Variants in NTNG1 observed in about 807,000 individuals in gnomAD.
NTNG1 encodes netrin-G1.
NTNG1 carries 16 observed loss-of-function variants against 54.0 expected under a neutral mutation model. The ratio of observed to expected loss-of-function variants is 0.30; its 90% confidence interval spans 0.20 to 0.45. The LOEUF (loss-of-function observed/expected upper bound fraction) is 0.45. NTNG1 is among the 20% of genes least tolerant of loss of function. NTNG1 has a pLI of 1.00. For synonymous variants in NTNG1, 255 were observed against 263.1 expected (o/e 0.97, Z 0.30); for missense variants, 530 against 678.7 (o/e 0.78, Z 2.43).
At position 107,324,933 on chromosome 1, in the gene NTNG1, A is replaced by C. The variant is rs778300664; in HGVS notation, c.887+11A>C. Reference sequence around the variant, plus strand: ...AAAGGTGCGAGGAAGGTAAGAGAAAATCTGTCTGCCTTCAATGGGAACGGG... The same window carrying C: ...AAAGGTGCGAGGAAGGTAAGAGAAACTCTGTCTGCCTTCAATGGGAACGGG... On this transcript the variant is annotated intron_variant, in intron 3 of 7. Coordinates refer to ENST00000370068, the MANE Select transcript of NTNG1 (RefSeq NM_001113226.3). 6.3e-7 allele frequency: 1 copy of C among 1,598,756 alleles called. No homozygotes were observed. Among genetic ancestry groups the C allele is most frequent in the Non-Finnish European group, 8.5e-7 (1 of 1,171,070 alleles).
intron 5 of NTNG1, among the ~76,000 whole-genome samples, chr1:107,419,333 G>A (rs1034447429): frequency 1.3e-5 from 2 of 151,492 alleles, no homozygotes; most frequent in Non-Finnish European, 2.9e-5. Context: ...ACATTCATGT[G>A]TTCCAGCATT....
At chr1:107,267,043 C>T (rs1663790282) in intron 2 of NTNG1, among the ~76,000 whole-genome samples, 4 of 152,112 alleles carry the variant, frequency 2.6e-5, no homozygotes, top group Admixed American at 2.6e-4. Flanking sequence ...ACACATTGTA[C>T]TACAATGTAC....
intron 2 of NTNG1, among the ~76,000 whole-genome samples, chr1:107,317,060 A>G (rs765550430): frequency 3.0e-4 from 45 of 152,340 alleles, no homozygotes; most frequent in Middle Eastern, 3.4e-3. Flanking sequence ...CCTTCAGTAA[A>G]TGGACTTCAA....
rs1161277513 is a variant in NTNG1 at position 107,481,145 on chromosome 1, C to G, written c.*305C>G. The G allele has an allele frequency of 1.9e-5, 8 of 412,154 alleles. No homozygotes were observed. The highest frequency in any genetic ancestry group is 3.5e-5 in the Non-Finnish European group (8 of 229,294). The allele number at this position is 412,154 out of a possible 1,614,324, so 25.5% of individuals were successfully genotyped here. On this transcript the variant is annotated 3_prime_UTR_variant, in exon 8 of 8. Coordinates refer to ENST00000370068, the MANE Select transcript of NTNG1 (RefSeq NM_001113226.3). ...GCGACAGCCCCCCAAACAGGAAAGA[C>G]AAAAAACAAACAAATCAACCGACCT...
At chr1:107,150,227 A>AT (rs1654460882) in intron 2 of NTNG1, among the ~76,000 whole-genome samples, 1 of 152,310 alleles carries the variant, frequency 6.6e-6, no homozygotes, top group African/African-American at 2.4e-5. Flanking sequence ...GGGAACAGGT[A>AT]TGTGCTTTGC....
chr1:107,237,162 G>A (rs777490176), intron 2 of NTNG1, among the ~76,000 whole-genome samples: 20 of 152,184 alleles, frequency 1.3e-4, no homozygotes, highest in Admixed American at 3.9e-4. Context: ...CTTAGATGGA[G>A]ATGAGGAACT....
chr1:107,366,672 C>A (rs1449521164), intron 3 of NTNG1, among the ~76,000 whole-genome samples: 1 of 152,162 alleles, frequency 6.6e-6, no homozygotes, highest in Non-Finnish European at 1.5e-5. Context: ...GCTACTAGGA[C>A]AAAATGAAAT....
intron 7 of NTNG1, among the ~76,000 whole-genome samples, chr1:107,473,007 T>C (rs935087662): frequency 7.9e-5 from 12 of 152,158 alleles, no homozygotes; most frequent in African/African-American, 2.9e-4. Context: ...CATACCTTTG[T>C]TATTAGCCTG....
chr1:107,421,034 C>T (rs531746177), intron 5 of NTNG1: 20 of 1,295,102 alleles, frequency 1.5e-5, no homozygotes, highest in East Asian at 2.3e-5. Flanking sequence ...ACAGTTTGAA[C>T]GTTTCACTAT....
chr1:107,275,074 T>C (rs372171274), intron 2 of NTNG1, among the ~76,000 whole-genome samples: 71 of 152,196 alleles, frequency 4.7e-4, no homozygotes, highest in African/African-American at 1.6e-3. Flanking sequence ...GTGTGTATAA[T>C]ATAACATAAA....
At chr1:107,327,990 T>C (rs1668064724) in intron 3 of NTNG1, among the ~76,000 whole-genome samples, 1 of 152,160 alleles carries the variant, frequency 6.6e-6, no homozygotes, top group Non-Finnish European at 1.5e-5. Flanking sequence ...CTTTTTGGAA[T>C]GTGATACATC....
chr1:107,413,213 A>G (rs1395791743), intron 5 of NTNG1, among the ~76,000 whole-genome samples: 1 of 148,662 alleles, frequency 6.7e-6, no homozygotes, highest in Non-Finnish European at 1.5e-5. Flanking sequence ...CCCAGGCTGG[A>G]GTGCAGTGAC....
intron 5 of NTNG1, among the ~76,000 whole-genome samples, chr1:107,426,795 AT>A (rs1486927673): frequency 2.6e-5 from 4 of 152,056 alleles, no homozygotes; most frequent in Non-Finnish European, 5.9e-5. Flanking sequence ...AACAATATTA[AT>A]TCTTTCAACC....
chr1:107,398,415 T>A (rs1478734439), intron 4 of NTNG1, among the ~76,000 whole-genome samples: 6 of 152,146 alleles, frequency 3.9e-5, no homozygotes, highest in Admixed American at 1.3e-4. Context: ...CACTCAGGGA[T>A]ACCATAGATG....
intron 2 of NTNG1, among the ~76,000 whole-genome samples, chr1:107,189,628 T>G (rs1036789920): frequency 6.6e-6 from 1 of 152,084 alleles, no homozygotes; most frequent in Non-Finnish European, 1.5e-5. Context: ...TGTTTTAATA[T>G]TCTCTACCTT....
intron 2 of NTNG1, among the ~76,000 whole-genome samples, chr1:107,208,712 T>C (rs998186150): frequency 6.6e-6 from 1 of 152,130 alleles, no homozygotes; most frequent in Non-Finnish European, 1.5e-5. Flanking sequence ...GGGTTAGGCA[T>C]GTATCCCCTA....
chr1:107,370,556 A>G (rs1670859235), intron 3 of NTNG1, among the ~76,000 whole-genome samples: 1 of 151,708 alleles, frequency 6.6e-6, no homozygotes, highest in African/African-American at 2.4e-5. Flanking sequence ...TATCATTCTT[A>G]GGCCTTTCCA....
At chr1:107,447,141 A>G (rs1159096276) in intron 7 of NTNG1, among the ~76,000 whole-genome samples, 2 of 152,242 alleles carry the variant, frequency 1.3e-5, no homozygotes, top group African/African-American at 4.8e-5. Context: ...ATAAAACACT[A>G]TAAAAATGAT....
chr1:107,366,068 C>T (rs1435111961), intron 3 of NTNG1, among the ~76,000 whole-genome samples: 1 of 152,156 alleles, frequency 6.6e-6, no homozygotes, highest in Admixed American at 6.5e-5. Flanking sequence ...TGACGCAGAT[C>T]TGTAACAGCT....
Sources: gnomAD v4.1 joint callset for allele counts (sites outside exome capture counted in the v4.1 genomes callset) on GRCh38, gnomAD v4.1.1 for gene constraint, MANE v1.5 for transcripts, NCBI Gene and HGNC (gene_info 2026-07-23, HGNC 2026-07-21) for gene names.